Variants in SPAG17 observed in about 807,000 individuals in gnomAD.
SPAG17 encodes sperm associated antigen 17.
In SPAG17, 169 loss-of-function variants were observed where a neutral mutation model predicts 273.6. The observed-to-expected ratio is 0.62, with a 90% confidence interval of 0.55 to 0.70. The LOEUF is 0.70. Among genes scored for constraint, SPAG17 ranks in the 30% least tolerant of loss-of-function variants. The pLI is 0.00. For missense variants in SPAG17, 2,557 were observed against 2,627.8 expected, an observed-to-expected ratio of 0.97 and a Z score of 0.59; for synonymous variants, 825 against 873.2, an observed-to-expected ratio of 0.94 and a Z score of 0.97.
chr1:118,099,647 G>T lies in SPAG17; in HGVS notation c.788C>A (p.Ala263Glu), dbSNP rs747209335. The T allele has an allele frequency of 6.2e-7, 1 of 1,613,976 alleles. No individual in the cohort carries two copies. Among genetic ancestry groups the T allele is most frequent in the Non-Finnish European group, 8.5e-7 (1 of 1,179,956 alleles). Residue 263 changes from alanine (A) to glutamate (E), a missense_variant, in exon 6 of 49, where the codon GCA (alanine) becomes GAA (glutamate). Transcript: ENST00000336338. ...ENYEPLQTHL[A>E]AVNQQQEVLL... Reference sequence around the variant, plus strand: ...AACTTCCTGCTGCTGGTTAACTGCTGCCAGGTGTGTCTGCAGAGGTTCATA... The same window carrying T: ...AACTTCCTGCTGCTGGTTAACTGCTTCCAGGTGTGTCTGCAGAGGTTCATA...
chr1:117,999,316 A>G (rs1658011392), intron 32 of SPAG17, among the ~76,000 whole-genome samples: 2 of 152,190 alleles, frequency 1.3e-5, no homozygotes, highest in Admixed American at 1.3e-4. Context: ...TTATAGTAGC[A>G]TGATTTATAA....
chr1:117,982,558 A>C (rs1655959481), intron 42 of SPAG17, among the ~76,000 whole-genome samples: 1 of 152,068 alleles, frequency 6.6e-6, no homozygotes, highest in Non-Finnish European at 1.5e-5. Flanking sequence ...TGGGTATTTT[A>C]ACTACTCAGT....
chr1:117,998,946 A>G (rs1168942097), intron 32 of SPAG17, among the ~76,000 whole-genome samples: 6 of 152,034 alleles, frequency 3.9e-5, no homozygotes, highest in Non-Finnish European at 8.8e-5. Context: ...CCTGTCATTT[A>G]CATTAGGTAT....
intron 24 of SPAG17, among the ~76,000 whole-genome samples, chr1:118,034,321 A>T (rs1041112189): frequency 5.3e-5 from 8 of 152,208 alleles, no homozygotes; most frequent in Non-Finnish European, 4.4e-5. Context: ...GAAGAAGGGT[A>T]TCTACTGCAA....
In SPAG17 at chr1:118,062,366, CAA is replaced by C. The variant is rs56029752; in HGVS notation, c.2540+4377_2540+4378del. 4.1e-4 allele frequency among the ~76,000 whole-genome samples: 19 copies of C among 46,410 alleles called. No homozygotes were observed. In the East Asian group the frequency reaches 8.6e-3, roughly 21 times the overall value. The allele number at this position is 46,410 out of a possible 152,430, so 30.4% of individuals were successfully genotyped here. Reference sequence around the variant, plus strand: ...TGGGCGACAGAGCGAGACTCCATCTCAAAAAAAAAAAAAAAAAAAAATTAAAG... The same window carrying C: ...TGGGCGACAGAGCGAGACTCCATCTCAAAAAAAAAAAAAAAAAAATTAAAG... On this transcript the variant is annotated intron_variant, in intron 18 of 48. Transcript: ENST00000336338.
chr1:118,086,121 G>A (rs778549030), intron 12 of SPAG17, 49 bp from the exon 13 acceptor site: 28 of 1,575,738 alleles, frequency 1.8e-5, no homozygotes, highest in Admixed American at 3.5e-5. Flanking sequence ...AAGCTGTTAA[G>A]TGCCTTATGC....
At chr1:118,021,795 A>C (rs1301944885) in intron 28 of SPAG17, among the ~76,000 whole-genome samples, 6 of 152,184 alleles carry the variant, frequency 3.9e-5, no homozygotes, top group African/African-American at 1.4e-4. Flanking sequence ...AGTCCTCCAG[A>C]ACCAGGGTAG....
chr1:118,064,561 G>A (rs1652740858), intron 18 of SPAG17, among the ~76,000 whole-genome samples: 1 of 129,086 alleles, frequency 7.7e-6, no homozygotes, highest in African/African-American at 2.9e-5. Context: ...ACAGGAAGGG[G>A]AACATCACAC....
intron 35 of SPAG17, among the ~76,000 whole-genome samples, 156 bp from the exon 36 acceptor site, chr1:117,992,804 T>G (rs1657257046): frequency 1.3e-5 from 2 of 152,096 alleles, no homozygotes; most frequent in African/African-American, 4.8e-5. Context: ...GTTCTGCAAA[T>G]ATAAGGAAAA....
intron 28 of SPAG17, among the ~76,000 whole-genome samples, chr1:118,019,300 A>G (rs746796406): frequency 2.0e-5 from 3 of 152,096 alleles, no homozygotes; most frequent in Non-Finnish European, 4.4e-5. Context: ...AAGAAGACAG[A>G]TTATAAAACA....
In SPAG17 at chr1:117,983,811, C is replaced by T. The variant is rs777646457; in HGVS notation, c.5872G>A (p.Asp1958Asn). ...AATATGTGCTATGCTAACATATTAC[C>T]TAGATTAAGATCAGATGTATCTTGA... ...AVQDTSDLNL[D>N]FKPHKVSEQK... Residue 1958 changes from aspartate to asparagine, a missense_variant and splice_region_variant, in exon 42 of 49, where the codon GAT becomes AAT. Coordinates refer to ENST00000336338, the MANE Select transcript of SPAG17 (RefSeq NM_206996.4). 1.2e-5 allele frequency: 19 copies of T among 1,595,018 alleles called. No individual in the cohort carries two copies. The highest frequency in any genetic ancestry group is 1.5e-5 in the Non-Finnish European group (17 of 1,164,946).
chr1:117,963,740 G>A, intron 48 of SPAG17, 59 bp downstream of exon 48: 2 of 1,503,804 alleles, frequency 1.3e-6, no homozygotes, highest in East Asian at 2.3e-5. Context: ...GAAACCTGGG[G>A]TCTAATACCT....
At chr1:118,087,812 G>C (rs1570669996) in intron 10 of SPAG17, among the ~76,000 whole-genome samples, 1 of 152,084 alleles carries the variant, frequency 6.6e-6, no homozygotes, top group Non-Finnish European at 1.5e-5. Context: ...CCTCAGCCTT[G>C]GCATTAATGA....
At chr1:118,097,100 T>C (rs1043344369) in intron 7 of SPAG17, among the ~76,000 whole-genome samples, 6 of 151,922 alleles carry the variant, frequency 3.9e-5, no homozygotes, top group Non-Finnish European at 8.8e-5. Context: ...CTGGGCATGG[T>C]GGCACGTGCC....
chr1:118,100,160 C>G (rs532487996), intron 5 of SPAG17, among the ~76,000 whole-genome samples: 34 of 152,300 alleles, frequency 2.2e-4, no homozygotes, highest in African/African-American at 8.2e-4. Context: ...TCTGGCTTTA[C>G]TCCTGAATTA....
At chr1:118,088,921 A>C (rs976817546) in intron 10 of SPAG17, among the ~76,000 whole-genome samples, 1 of 152,202 alleles carries the variant, frequency 6.6e-6, no homozygotes, top group Non-Finnish European at 1.5e-5. Context: ...CTTTCTTAGA[A>C]TCTTCTGAAT....
intron 17 of SPAG17, among the ~76,000 whole-genome samples, 187 bp from the exon 18 acceptor site, chr1:118,067,086 G>A (rs1302546757): frequency 6.6e-6 from 1 of 152,138 alleles, no homozygotes. Flanking sequence ...AGCTAGCTTG[G>A]GAAGCATTTC....
In SPAG17 at chr1:118,081,469, T is replaced by C. The variant is rs1223190784; in HGVS notation, c.1936A>G (p.Ile646Val). The change falls in exon 14 of 49, where the codon ATA becomes GTA. Residue 646 changes from isoleucine (I) to valine (V), a missense_variant. Transcript: ENST00000336338. ...WDNPARFAKQIRQQYVMKMNT... is the reference protein window; with the variant it reads ...WDNPARFAKQVRQQYVMKMNT... ...ATTTTCATGACATATTGCTGCCTTATCTGTTTAGCAAATCTGGCAGGGTTG... is the reference window on the plus strand; with the variant it reads ...ATTTTCATGACATATTGCTGCCTTACCTGTTTAGCAAATCTGGCAGGGTTG... The C allele has an allele frequency of 1.9e-6, 3 of 1,613,824 alleles. No homozygotes were observed. The highest frequency in any genetic ancestry group is 2.5e-6 in the Non-Finnish European group (3 of 1,180,000).
At position 118,001,772 on chromosome 1, in the gene SPAG17, C is replaced by T. The variant is rs753062595; in HGVS notation, c.4776+3642G>A. Reference sequence around the variant, plus strand: ...TTTGTTGGTCTTTTCAAAAAACCAGCTCCTGGCAATTCATTGATTTTTTGA... The same window carrying T: ...TTTGTTGGTCTTTTCAAAAAACCAGTTCCTGGCAATTCATTGATTTTTTGA... On this transcript the variant is annotated intron_variant, in intron 32 of 48. Coordinates refer to ENST00000336338, the MANE Select transcript of SPAG17 (RefSeq NM_206996.4). Among the ~76,000 whole-genome samples, 4 of 152,176 alleles carry T rather than the reference C, an allele frequency of 2.6e-5. No homozygotes were observed. In the South Asian group the frequency reaches 6.2e-4, roughly 24 times the overall value.
Sources: gnomAD v4.1 joint callset for allele counts (sites outside exome capture counted in the v4.1 genomes callset) on GRCh38, gnomAD v4.1.1 for gene constraint, MANE v1.5 for transcripts, NCBI Gene and HGNC (gene_info 2026-07-23, HGNC 2026-07-21) for gene names.